NTF3: variants seen among roughly 807,000 people sequenced by gnomAD.
The protein encoded by NTF3 is neurotrophin-3.
NTF3 carries 8 observed loss-of-function variants against 26.3 expected under a neutral mutation model. The ratio of observed to expected loss-of-function variants is 0.30; its 90% CI spans 0.18 to 0.55. NTF3 has a LOEUF of 0.55. NTF3 is among the 20% of genes least tolerant of loss of function. The pLI, the probability that NTF3 is intolerant of heterozygous loss-of-function variation, is 0.93. For missense variants in NTF3, 276 were observed against 352.9 expected, an observed-to-expected ratio of 0.78 and a Z score of 1.75; for synonymous variants, 154 against 145.5, an observed-to-expected ratio of 1.06 and a Z score of -0.42.
chr12:5,466,930 C>T (rs1247453973), intron 1 of NTF3, among the ~76,000 whole-genome samples: 3 of 152,040 alleles, frequency 2.0e-5, no homozygotes, highest in African/African-American at 7.2e-5. Context: ...CTCCCTCATA[C>T]CCTTAAAAAG....
At chr12:5,483,371 G>T (rs910786198) in intron 1 of NTF3, among the ~76,000 whole-genome samples, 1 of 152,148 alleles carries the variant, frequency 6.6e-6, no homozygotes, top group Non-Finnish European at 1.5e-5. Flanking sequence ...GGGCACTCCC[G>T]TGTTCTTCAG....
At position 5,432,164 on chromosome 12, in the gene NTF3, C is replaced by T; in HGVS notation, c.-161C>T. 2.5e-6 allele frequency: 2 copies of T among 810,076 alleles called. No individual in the cohort carries two copies. Among genetic ancestry groups the T allele is most frequent in the Non-Finnish European group, 4.1e-6 (2 of 482,296 alleles). 50.2% of individuals were successfully genotyped at this position (810,076 alleles called of 1,614,324 possible). ...CAGCTCCGCGCACCGCCCCGCGACG[C>T]AGCCCGGCGCAACTACTTTCTTCTC... On this transcript the variant is annotated 5_prime_UTR_variant, in exon 1 of 2. Transcript: ENST00000423158.
At chr12:5,490,575 G>A (rs143036289) in intron 1 of NTF3, among the ~76,000 whole-genome samples, 256 of 152,166 alleles carry the variant, frequency 1.7e-3, no homozygotes, top group African/African-American at 5.8e-3. Context: ...CTGGCCCACT[G>A]GGGGACTCCC....
At chr12:5,474,691 G>T (rs1266979713) in intron 1 of NTF3, among the ~76,000 whole-genome samples, 1 of 152,206 alleles carries the variant, frequency 6.6e-6, no homozygotes, top group African/African-American at 2.4e-5. Flanking sequence ...TGATAGGGAA[G>T]GCTGGGAGAG....
chr12:5,465,301 A>AGGGCAGC (rs1458820376), intron 1 of NTF3, among the ~76,000 whole-genome samples: 1 of 152,218 alleles, frequency 6.6e-6, no homozygotes, highest in Non-Finnish European at 1.5e-5. Context: ...TGCCTAGAAT[A>AGGGCAGC]GGGCAGCTGA....
chr12:5,476,584 G>T (rs937311545), intron 1 of NTF3, among the ~76,000 whole-genome samples: 1 of 152,176 alleles, frequency 6.6e-6, no homozygotes, highest in Non-Finnish European at 1.5e-5. Context: ...GGCAGATGTG[G>T]CCAGAGGGTA....
At chr12:5,438,454 G>A (rs1352844523) in intron 1 of NTF3, among the ~76,000 whole-genome samples, 2 of 152,194 alleles carry the variant, frequency 1.3e-5, no homozygotes, top group African/African-American at 2.4e-5. Context: ...ATGACTGACC[G>A]TGATGTCATT....
At chr12:5,450,140 C>T (rs1319326664) in intron 1 of NTF3, among the ~76,000 whole-genome samples, 2 of 152,182 alleles carry the variant, frequency 1.3e-5, no homozygotes, top group Non-Finnish European at 2.9e-5. Flanking sequence ...AATCTCTTGA[C>T]TCCCAGATGG....
At chr12:5,462,567 A>AGC (rs1457104562) in intron 1 of NTF3, among the ~76,000 whole-genome samples, 2 of 152,220 alleles carry the variant, frequency 1.3e-5, no homozygotes, top group Admixed American at 6.5e-5. Context: ...ATGAATTTGC[A>AGC]GCGGCATGGA....
chr12:5,437,056 G>T (rs1418734128), intron 1 of NTF3, among the ~76,000 whole-genome samples: 1 of 152,204 alleles, frequency 6.6e-6, no homozygotes, highest in Non-Finnish European at 1.5e-5. Flanking sequence ...CCTGGGCTTT[G>T]GGTCTTTGAA....
intron 1 of NTF3, among the ~76,000 whole-genome samples, chr12:5,447,037 A>G (rs1940315257): frequency 1.3e-5 from 2 of 152,124 alleles, no homozygotes; most frequent in East Asian, 1.9e-4. Context: ...TCACAGAGAC[A>G]AGCCCTGCCG....
upstream of NTF3, chr12:5,432,106 G>C: frequency 1.6e-6 from 1 of 624,694 alleles, no homozygotes; most frequent in South Asian, 1.8e-5. Flanking sequence ...TCTGTTCACG[G>C]GACTCAGAGT....
chr12:5,492,795 G>C (rs1940954299), intron 1 of NTF3, among the ~76,000 whole-genome samples: 1 of 152,216 alleles, frequency 6.6e-6, no homozygotes, highest in African/African-American at 2.4e-5. Context: ...GAAAGAGGCT[G>C]TCTGTGAGTC....
intron 1 of NTF3, among the ~76,000 whole-genome samples, chr12:5,446,977 G>C (rs1296177474): frequency 6.6e-6 from 1 of 152,206 alleles, no homozygotes; most frequent in Non-Finnish European, 1.5e-5. Context: ...GTGGGCAGCG[G>C]GGTGGAGACA....
At chr12:5,459,009 C>G (rs969519866) in intron 1 of NTF3, among the ~76,000 whole-genome samples, 37 of 152,182 alleles carry the variant, frequency 2.4e-4, no homozygotes, top group African/African-American at 8.2e-4. Context: ...AAATCCCACT[C>G]GCCCTAGAAC....
At chr12:5,448,281 T>C (rs1428456445) in intron 1 of NTF3, among the ~76,000 whole-genome samples, 2 of 152,244 alleles carry the variant, frequency 1.3e-5, no homozygotes, top group African/African-American at 4.8e-5. Flanking sequence ...TAAATACTCA[T>C]GCTCCTTTCT....
chr12:5,464,795 T>G (rs1279861044), intron 1 of NTF3, among the ~76,000 whole-genome samples: 1 of 152,160 alleles, frequency 6.6e-6, no homozygotes, highest in Non-Finnish European at 1.5e-5. Flanking sequence ...TTATATGAAT[T>G]TATTGAGTAT....
chr12:5,484,666 C>T (rs761038302), intron 1 of NTF3, among the ~76,000 whole-genome samples: 8 of 152,170 alleles, frequency 5.3e-5, no homozygotes, highest in Non-Finnish European at 1.0e-4. Flanking sequence ...CCGCAGATGG[C>T]ATTTGGAAAC....
chr12:5,491,410 T>C (rs74732830), intron 1 of NTF3, among the ~76,000 whole-genome samples: 2 of 152,118 alleles, frequency 1.3e-5, no homozygotes. Context: ...TATTACAAAG[T>C]ATCATGGCAA....
Sources: gnomAD v4.1 joint callset for allele counts (sites outside exome capture counted in the v4.1 genomes callset) on GRCh38, gnomAD v4.1.1 for gene constraint, MANE v1.5 for transcripts, NCBI Gene and HGNC (gene_info 2026-07-23, HGNC 2026-07-21) for gene names.